The following FAF1 variants were observed in gnomAD, a reference collection of about 807,000 sequenced individuals.
FAF1 encodes FAS-associated factor 1.
In FAF1, 25 loss-of-function variants were observed where a neutral mutation model predicts 92.5. The observed-to-expected ratio is 0.27, with a 90% CI of 0.20 to 0.38. The LOEUF is 0.38. Ranked by LOEUF, FAF1 falls within the 10% of genes least tolerant of loss-of-function variation. The pLI is 1.00. For missense variants in FAF1, 636 were observed against 793.3 expected, an observed-to-expected ratio of 0.80 and a Z score of 2.38; for synonymous variants, 234 against 273.2, an observed-to-expected ratio of 0.86 and a Z score of 1.42.
At chr1:50,773,703 G>C (rs539209180) in intron 4 of FAF1, among the ~76,000 whole-genome samples, 1 of 152,168 alleles carries the variant, frequency 6.6e-6, no homozygotes, top group Non-Finnish European at 1.5e-5. Context: ...CGTGGATAAA[G>C]AGAAAATATC....
chr1:50,684,707 C>T (rs746446524), intron 7 of FAF1, among the ~76,000 whole-genome samples: 10 of 152,082 alleles, frequency 6.6e-5, no homozygotes, highest in Non-Finnish European at 1.5e-4. Flanking sequence ...GCACTAAGCT[C>T]GAGCATTCAA....
intron 1 of FAF1, among the ~76,000 whole-genome samples, chr1:50,912,088 A>G (rs1029012324): frequency 4.6e-5 from 7 of 152,248 alleles, no homozygotes; most frequent in African/African-American, 1.2e-4. Context: ...AACGAAGCAC[A>G]CTATTATTGT....
chr1:50,694,287 A>C (rs926707355), intron 7 of FAF1, among the ~76,000 whole-genome samples: 1 of 151,334 alleles, frequency 6.6e-6, no homozygotes, highest in South Asian at 2.1e-4. Context: ...CATTTTCATT[A>C]GGCAAAGGCA....
chr1:50,646,550 T>C (rs913713311), intron 8 of FAF1, among the ~76,000 whole-genome samples: 1 of 152,204 alleles, frequency 6.6e-6, no homozygotes, highest in African/African-American at 2.4e-5. Context: ...TTACTTCCAA[T>C]GCTTATAATT....
intron 15 of FAF1, among the ~76,000 whole-genome samples, chr1:50,497,432 A>C (rs923517429): frequency 1.3e-5 from 2 of 152,128 alleles, no homozygotes; most frequent in African/African-American, 4.8e-5. Context: ...TTTCAGGTAA[A>C]AGGAAAAGGA....
chr1:50,803,053 C>A (rs1452363524), intron 2 of FAF1, among the ~76,000 whole-genome samples: 2 of 152,172 alleles, frequency 1.3e-5, no homozygotes, highest in Non-Finnish European at 2.9e-5. Context: ...TACCACAGAA[C>A]CCTGACGACT....
At position 50,861,320 on chromosome 1, in the gene FAF1, G is replaced by T. The variant is rs1231298652; in HGVS notation, c.46-3323C>A. Among the ~76,000 whole-genome samples, 3 of 151,820 alleles carry T rather than the reference G, an allele frequency of 2.0e-5. No homozygotes were observed. In the South Asian group the frequency reaches 6.2e-4, roughly 31 times the overall value. ...TGACATCCTAAAATCCACTATGATG[G>T]TATTTGGAGATGAGGTCTTTGAGAG... On this transcript the variant is annotated intron_variant, in intron 1 of 18. Transcript: ENST00000396153.
intron 6 of FAF1, among the ~76,000 whole-genome samples, chr1:50,719,152 T>C (rs972368114): frequency 6.6e-6 from 1 of 152,198 alleles, no homozygotes; most frequent in African/African-American, 2.4e-5. Flanking sequence ...AGGAACAGCA[T>C]AAAAATAAAA....
chr1:50,841,263 A>G (rs1288381005), intron 2 of FAF1, among the ~76,000 whole-genome samples: 1 of 152,032 alleles, frequency 6.6e-6, no homozygotes, highest in Non-Finnish European at 1.5e-5. Flanking sequence ...TGTCTTCAAC[A>G]TTTACGTATT....
rs1021317483 is a variant in FAF1 at position 50,738,919 on chromosome 1, G to A, written c.495C>T (p.Asn165=). ...AATCTGGTGTAAGGACATAAAGACT[G>A]TTGTTTTTTGGCAAGTGTAGAGATT... ...VLKSLHLPKN[N]SLYVLTPDLP... Residue 165 remains asparagine (N), a synonymous_variant, in exon 6 of 19, where the codon AAC becomes AAT. Transcript: ENST00000396153. 1 of 1,608,634 alleles carries A rather than the reference G, an allele frequency of 6.2e-7. No homozygotes were observed. Among genetic ancestry groups the A allele is most frequent in the African/African-American group, 1.3e-5 (1 of 74,684 alleles).
chr1:50,770,300 G>A (rs1342891425), intron 4 of FAF1, among the ~76,000 whole-genome samples: 3 of 152,178 alleles, frequency 2.0e-5, no homozygotes, highest in Non-Finnish European at 4.4e-5. Context: ...CAAATAGGAA[G>A]AGAGGAAGTC....
chr1:50,959,170 T>C lies in FAF1; in HGVS notation c.45+597A>G, dbSNP rs949268951. Among the ~76,000 whole-genome samples, 13 of 152,334 alleles carry C rather than the reference T, an allele frequency of 8.5e-5. 1 individual carries two copies. Among genetic ancestry groups the C allele is most frequent in the South Asian group, 4.1e-4 (2 of 4,826 alleles). On this transcript the variant is annotated intron_variant, in intron 1 of 18. Coordinates refer to ENST00000396153, the MANE Select transcript of FAF1 (RefSeq NM_007051.3). Reference sequence around the variant, plus strand: ...GTAATTTATTAAGCTTGTGAATTCATTGCAGAGATACTCTGGAATATATAG... The same window carrying C: ...GTAATTTATTAAGCTTGTGAATTCACTGCAGAGATACTCTGGAATATATAG...
At chr1:50,643,800 C>G (rs1370349991) in intron 8 of FAF1, among the ~76,000 whole-genome samples, 1 of 152,108 alleles carries the variant, frequency 6.6e-6, no homozygotes, top group Admixed American at 6.5e-5. Flanking sequence ...GCCATGTTGG[C>G]CAGGCTGGTC....
chr1:50,468,190 CAG>C (rs1646523142), intron 18 of FAF1, among the ~76,000 whole-genome samples: 2 of 152,070 alleles, frequency 1.3e-5, no homozygotes, highest in African/African-American at 4.8e-5. Context: ...GCCTGTATGA[CAG>C]AGTGAGACTC....
chr1:50,819,679 G>GTA (rs1188082096), intron 2 of FAF1, among the ~76,000 whole-genome samples: 30 of 83,246 alleles, frequency 3.6e-4, no homozygotes, highest in Non-Finnish European at 4.3e-4. Flanking sequence ...CTCTCTCTCT[G>GTA]TATATATATA....
intron 1 of FAF1, among the ~76,000 whole-genome samples, chr1:50,944,042 T>A (rs1645155016): frequency 6.6e-6 from 1 of 152,358 alleles, no homozygotes; most frequent in Admixed American, 6.5e-5. Context: ...GTCAGTCCAA[T>A]CTGTCCCATT....
rs1206701289 is a variant in FAF1 at position 50,438,449 on chromosome 1, C to T, written c.*2991G>A. The stretch of plus-strand genomic sequence containing the variant: ...TTAAAAAGGATCAAAAGAGAAAATA[C>T]AGGTGAAAGGGTTACACAGACTATA... On this transcript the variant is annotated 3_prime_UTR_variant, in exon 19 of 19. Coordinates refer to ENST00000396153, the MANE Select transcript of FAF1 (RefSeq NM_007051.3). The T allele has an allele frequency of 6.6e-6, 1 of 152,202 alleles. No individual in the cohort carries two copies. The highest frequency in any genetic ancestry group is 1.5e-5 in the Non-Finnish European group (1 of 68,060). The allele number at this position is 152,202 out of a possible 1,614,324, so 9.4% of individuals were successfully genotyped here. A position where few individuals can be genotyped will look rare whatever the true frequency, so the allele number is the denominator to read the frequency against.
chr1:50,756,419 C>T (rs551185917), intron 4 of FAF1, among the ~76,000 whole-genome samples: 4 of 148,018 alleles, frequency 2.7e-5, no homozygotes, highest in Admixed American at 2.0e-4. Context: ...TTGTCCATAT[C>T]GCTATCAGCA....
Position 50,582,564 on chromosome 1 carries a change from G to A in FAF1, c.1113+54C>T, listed in dbSNP as rs1385789121. 5 of 1,133,434 alleles carry A rather than the reference G, an allele frequency of 4.4e-6. No homozygotes were observed. In the African/African-American group the frequency reaches 6.2e-5, roughly 14 times the overall value. 70.2% of individuals were successfully genotyped at this position (1,133,434 alleles called of 1,614,324 possible). A position where few individuals can be genotyped will look rare whatever the true frequency, so the allele number is the denominator to read the frequency against. ...ACATTTAAGCATTGCCTCAGCCCTA[G>A]TGGTAAACCTGTGGGATGCACTTTT... On this transcript the variant is annotated intron_variant, in intron 12 of 18. Transcript: ENST00000396153.
Sources: allele counts gnomAD v4.1 joint callset (sites outside exome capture counted in the v4.1 genomes callset), GRCh38; gene constraint gnomAD v4.1.1; transcripts MANE v1.5; gene names NCBI Gene and HGNC (gene_info 2026-07-23, HGNC 2026-07-21).